Variants in APOO observed in about 807,000 individuals in gnomAD.
APOO encodes MICOS complex subunit MIC26.
APOO carries 11 observed loss-of-function variants against 23.1 expected under a neutral mutation model. That is an observed-to-expected ratio of 0.48 (90% CI 0.30 to 0.79). APOO has a LOEUF of 0.79. APOO is among the 30% of genes least tolerant of loss of function. APOO has a pLI of 0.07. For missense variants in APOO, 160 were observed against 142.7 expected (o/e 1.12, Z -0.62); for synonymous variants, 59 against 54.8 (o/e 1.08, Z -0.34).
At chrX:23,861,366 C>G (rs1925017512) in intron 5 of APOO, among the ~76,000 whole-genome samples, 1 of 109,393 alleles carries the variant, frequency 9.1e-6, no homozygotes. Flanking sequence ...CCAGCTCCCC[C>G]TTTGCCTTCC....
At chrX:23,893,196 T>A (rs1282363447) in intron 1 of APOO, among the ~76,000 whole-genome samples, 1 of 106,379 alleles carries the variant, frequency 9.4e-6, no homozygotes, top group Non-Finnish European at 1.9e-5. Context: ...AGCGGGCAGA[T>A]CACGAGGTCA....
chrX:23,838,977 T>TA (rs1253909903), intron 8 of APOO, among the ~76,000 whole-genome samples: 2 of 111,379 alleles, frequency 1.8e-5, no homozygotes, highest in South Asian at 7.4e-4. Context: ...GACAGGGATT[T>TA]AAAAAAAGAG....
At chrX:23,884,242 A>T (rs1175341134) in intron 1 of APOO, among the ~76,000 whole-genome samples, 1 of 111,126 alleles carries the variant, frequency 9.0e-6, no homozygotes, top group Non-Finnish European at 1.9e-5. Flanking sequence ...GTGGCGCTTT[A>T]AGTCATTAAA....
At chrX:23,837,327 A>G (rs1356633267) in intron 8 of APOO, 2 of 784,737 alleles carry the variant, frequency 2.5e-6, no homozygotes, top group Non-Finnish European at 3.8e-6. Context: ...TCATTCTCGC[A>G]GTAGACGCAG....
intron 8 of APOO, among the ~76,000 whole-genome samples, chrX:23,838,453 T>G (rs758234185): frequency 1.8e-5 from 2 of 108,666 alleles, no homozygotes; most frequent in South Asian, 8.2e-4. Flanking sequence ...TTTCACTCTT[T>G]TTGCCCAGGC....
intron 4 of APOO, among the ~76,000 whole-genome samples, chrX:23,870,498 A>C (rs1925558790): frequency 8.9e-6 from 1 of 111,856 alleles, no homozygotes; most frequent in Non-Finnish European, 1.9e-5. Flanking sequence ...ATTTATTAAG[A>C]ATGATGGCTG....
chrX:23,877,468 A>C (rs1018831466), intron 3 of APOO, among the ~76,000 whole-genome samples: 3 of 112,225 alleles, frequency 2.7e-5, no homozygotes, highest in Non-Finnish European at 5.6e-5. Context: ...TTTTTAAACA[A>C]GCTCTGGATC....
chrX:23,903,496 A>G (rs1281522966), intron 1 of APOO, among the ~76,000 whole-genome samples: 1 of 111,827 alleles, frequency 8.9e-6, no homozygotes, highest in Non-Finnish European at 1.9e-5. Context: ...TAGACCTAAC[A>G]TCACCATTTT....
At chrX:23,861,941 T>G in intron 5 of APOO, among the ~76,000 whole-genome samples, 1 of 109,062 alleles carries the variant, frequency 9.2e-6, no homozygotes, top group Non-Finnish European at 1.9e-5. Context: ...GTAGCTAGGA[T>G]TACAGACACC....
chrX:23,906,977 A>G (rs747213096), intron 1 of APOO, among the ~76,000 whole-genome samples: 1 of 112,616 alleles, frequency 8.9e-6, no homozygotes, highest in Non-Finnish European at 1.9e-5. Context: ...CTTCTTGAAG[A>G]CTCAATTTTG....
At chrX:23,841,539 T>C (rs1172281051) in intron 7 of APOO, among the ~76,000 whole-genome samples, 2 of 103,325 alleles carry the variant, frequency 1.9e-5, no homozygotes, top group African/African-American at 7.2e-5. Flanking sequence ...ATAAAGTATA[T>C]GGTCACCACA....
intron 1 of APOO, among the ~76,000 whole-genome samples, chrX:23,892,145 G>A (rs953649253): frequency 4.6e-5 from 5 of 109,159 alleles, no homozygotes; most frequent in African/African-American, 1.3e-4. Context: ...GTGAAGTGGC[G>A]CAATCTCGGC....
intron 8 of APOO, among the ~76,000 whole-genome samples, chrX:23,838,904 C>T (rs777185928): frequency 2.2e-4 from 25 of 111,948 alleles, no homozygotes; most frequent in Non-Finnish European, 4.1e-4. Flanking sequence ...GGATATTTAC[C>T]TAATTTCCCT....
intron 1 of APOO, among the ~76,000 whole-genome samples, chrX:23,881,384 TA>T (rs1926118140): frequency 1.9e-5 from 2 of 107,464 alleles, no homozygotes; most frequent in Admixed American, 2.0e-4. Context: ...CTACAAAATA[TA>T]TTTTTTTAAA....
chrX:23,889,656 G>GTTT (rs138373055), intron 1 of APOO, among the ~76,000 whole-genome samples: 48 of 61,783 alleles, frequency 7.8e-4, no homozygotes, highest in Admixed American at 7.7e-4. Flanking sequence ...CTGGGGAGTT[G>GTTT]TTTTTTTTTT....
intron 7 of APOO, among the ~76,000 whole-genome samples, chrX:23,844,659 C>A (rs755970116): frequency 9.0e-6 from 1 of 111,590 alleles, no homozygotes; most frequent in Non-Finnish European, 1.9e-5. Context: ...GAAATTCCCC[C>A]CTAGGGCCTC....
rs1282620855 is a variant in APOO, at chrX:23,907,600, G to A, written c.9+94C>T. On this transcript the variant is annotated intron_variant, in intron 1 of 8. Coordinates refer to ENST00000379226, the MANE Select transcript of APOO (RefSeq NM_024122.5). ...GCGGGAAAAGCCTCGGGGTGAGCCAGGCCTGGCTGCAGAGAGGCCCCAAGA... is the reference window on the plus strand; with the variant it reads ...GCGGGAAAAGCCTCGGGGTGAGCCAAGCCTGGCTGCAGAGAGGCCCCAAGA... 15 of 974,936 alleles carry A rather than the reference G, an allele frequency of 1.5e-5. No individual in the cohort carries two copies. In the African/African-American group the frequency reaches 2.2e-4, roughly 14 times the overall value. 80.3% of individuals were successfully genotyped at this position (974,936 alleles called of 1,213,427 possible).
chrX:23,880,603 G>A (rs887385601), intron 2 of APOO, among the ~76,000 whole-genome samples: 1 of 110,112 alleles, frequency 9.1e-6, no homozygotes, highest in Non-Finnish European at 1.9e-5. Context: ...GGAGGCTGAG[G>A]CAGGAGAATG....
Position 23,898,055 on chromosome X carries a change from C to CAA in APOO, c.9+9637_9+9638dup, listed in dbSNP as rs199648547. Among the ~76,000 whole-genome samples the CAA allele has an allele frequency of 1.3e-4, 13 of 98,675 alleles. No individual in the cohort carries two copies. The South Asian group carries it at 1.5e-3, about 11-fold the overall frequency. 85.7% of individuals were successfully genotyped at this position (98,675 alleles called of 115,157 possible). A position where few individuals can be genotyped will look rare whatever the true frequency, so the allele number is the denominator to read the frequency against. ...TCTATCTAGACACATGGCTCTGTCT[C>CAA]AAAAAAAAAAAATCTACCTAGACAT... is the stretch of plus-strand genomic sequence containing the variant. On this transcript the variant is annotated intron_variant, in intron 1 of 8. Transcript: ENST00000379226.
Sources: allele counts gnomAD v4.1 joint callset (sites outside exome capture counted in the v4.1 genomes callset), GRCh38; gene constraint gnomAD v4.1.1; transcripts MANE v1.5; gene names NCBI Gene and HGNC (gene_info 2026-07-23, HGNC 2026-07-21).